The following ZMIZ1 variants were observed in gnomAD, a reference collection of about 807,000 sequenced individuals.
The protein encoded by ZMIZ1 is zinc finger MIZ-type containing 1, also known as zinc finger MIZ domain-containing protein 1.
In ZMIZ1, 17 loss-of-function variants were observed where a neutral mutation model predicts 113.9. That is an observed-to-expected ratio of 0.15 (90% CI 0.10 to 0.22). ZMIZ1 has a LOEUF of 0.22. ZMIZ1 is among the 10% of genes least tolerant of loss of function. ZMIZ1 has a pLI of 1.00. For missense variants in ZMIZ1, 1,059 were observed against 1,477.8 expected (o/e 0.72, Z 4.65); for synonymous variants, 607 against 603.1 (o/e 1.01, Z -0.09).
At chr10:79,152,337 A>G (rs1845745915) in intron 3 of ZMIZ1, among the ~76,000 whole-genome samples, 1 of 152,278 alleles carries the variant, frequency 6.6e-6, no homozygotes, top group Admixed American at 6.5e-5. Flanking sequence ...TGTCTCTACA[A>G]AAAATATAAA....
chr10:79,221,943 A>G (rs1042395222), intron 7 of ZMIZ1, among the ~76,000 whole-genome samples: 1 of 152,200 alleles, frequency 6.6e-6, no homozygotes, highest in Non-Finnish European at 1.5e-5. Context: ...CCCTCATGCT[A>G]TTGGCAAAGT....
intron 1 of ZMIZ1, among the ~76,000 whole-genome samples, chr10:79,089,048 C>T (rs61851353): frequency 3.9e-5 from 6 of 152,208 alleles, no homozygotes; most frequent in Admixed American, 1.3e-4. Context: ...TTTTCTGGTC[C>T]GTGGCTGTTT....
intron 4 of ZMIZ1, among the ~76,000 whole-genome samples, chr10:79,187,111 A>G (rs1564706504): frequency 6.6e-6 from 1 of 152,334 alleles, no homozygotes; most frequent in Admixed American, 6.5e-5. Flanking sequence ...CAGTGATGTC[A>G]TCTTACTCTT....
intron 5 of ZMIZ1, among the ~76,000 whole-genome samples, chr10:79,204,798 G>A (rs1455903124): frequency 1.3e-5 from 2 of 152,194 alleles, no homozygotes; most frequent in East Asian, 3.8e-4. Flanking sequence ...GTGTATAGAT[G>A]ATGAATGGAT....
chr10:79,313,690 T>C lies in ZMIZ1; in HGVS notation c.*941T>C. 1 of 287,422 alleles carries C rather than the reference T, an allele frequency of 3.5e-6. No individual in the cohort carries two copies. The highest frequency in any genetic ancestry group is 6.9e-6 in the Non-Finnish European group (1 of 145,420). 17.8% of individuals were successfully genotyped at this position (287,422 alleles called of 1,614,324 possible). A position where few individuals can be genotyped will look rare whatever the true frequency, so the allele number is the denominator to read the frequency against. On this transcript the variant is annotated 3_prime_UTR_variant, in exon 25 of 25. Coordinates refer to ENST00000334512, the MANE Select transcript of ZMIZ1 (RefSeq NM_020338.4). ...TTTTTAAACAGCAACAATTTAAAGCTATGAAGTCACCTGGAGAAAAGGAAC... is the reference window on the plus strand; with the variant it reads ...TTTTTAAACAGCAACAATTTAAAGCCATGAAGTCACCTGGAGAAAAGGAAC...
Position 79,298,544 on chromosome 10 carries a change from A to G in ZMIZ1, c.1630A>G (p.Ile544Val), listed in dbSNP as rs1198193279. The change falls in exon 15 of 25, where the codon ATC (isoleucine) becomes GTC (valine). Residue 544 changes from isoleucine (I) to valine (V), a missense_variant. Ile to Val is a conservative substitution (Grantham distance 29, BLOSUM62 3). Around this residue, in one of 6 missense-constraint regions of ZMIZ1, gnomAD observed 239 missense variants for 247.5 expected, o/e 0.97. Transcript: ENST00000334512. Reference sequence around the variant, plus strand: ...CGTCAAACCACCCTTCCCGCCTGACATCAAGCCAAATATGAGCGCTCTGCC... The same window carrying G: ...CGTCAAACCACCCTTCCCGCCTGACGTCAAGCCAAATATGAGCGCTCTGCC... ...QDVKPPFPPD[I>V]KPNMSALPPP... 2 of 1,601,110 alleles carry G rather than the reference A, an allele frequency of 1.2e-6. No homozygotes were observed. The highest frequency in any genetic ancestry group is 2.2e-5 in the South Asian group (2 of 90,098).
intron 3 of ZMIZ1, among the ~76,000 whole-genome samples, chr10:79,155,774 A>G (rs994500055): frequency 2.6e-5 from 4 of 152,228 alleles, no homozygotes; most frequent in Non-Finnish European, 4.4e-5. Flanking sequence ...CTGCTCACTG[A>G]TGCCCTCTGC....
At chr10:79,241,818 A>C (rs1478978417) in intron 7 of ZMIZ1, among the ~76,000 whole-genome samples, 1 of 152,142 alleles carries the variant, frequency 6.6e-6, no homozygotes, top group Non-Finnish European at 1.5e-5. Context: ...AGAAGAGGGG[A>C]TGGAGTCAGG....
chr10:79,146,954 G>A (rs1381740079), intron 3 of ZMIZ1, among the ~76,000 whole-genome samples: 3 of 130,164 alleles, frequency 2.3e-5, no homozygotes, highest in Non-Finnish European at 5.2e-5. Flanking sequence ...ACGTGTGTGT[G>A]TGTGTGTGTG....
At chr10:79,249,877 C>G (rs908740221) in intron 7 of ZMIZ1, among the ~76,000 whole-genome samples, 3 of 152,136 alleles carry the variant, frequency 2.0e-5, no homozygotes, top group African/African-American at 7.2e-5. Context: ...TGGGGCCACC[C>G]GGTGTCCTTC....
chr10:79,305,717 G>A lies in ZMIZ1; in HGVS notation c.2423+116G>A. On this transcript the variant is annotated intron_variant, in intron 21 of 24. Transcript: ENST00000334512. ...CTCCCCTCCCAGGCCAGCAGACCGT[G>A]ACCCACATCCCCCACCTCTCTGTCC... The A allele has an allele frequency of 3.4e-5, 36 of 1,057,366 alleles. 3 individuals are homozygous for A. The South Asian group carries it at 4.4e-4, about 13-fold the overall frequency. The allele number at this position is 1,057,366 out of a possible 1,614,324, so 65.5% of individuals were successfully genotyped here.
intron 3 of ZMIZ1, among the ~76,000 whole-genome samples, chr10:79,155,267 A>G (rs902754516): frequency 4.8e-4 from 73 of 152,300 alleles, no homozygotes; most frequent in Non-Finnish European, 1.0e-3. Flanking sequence ...TCAGAGTTCA[A>G]GGCCTCTTTG....
intron 1 of ZMIZ1, among the ~76,000 whole-genome samples, chr10:79,112,664 A>G (rs1843796121): frequency 1.3e-5 from 2 of 152,120 alleles, no homozygotes; most frequent in Admixed American, 6.5e-5. Flanking sequence ...CAGTCTCCCA[A>G]TCCTGGCTGA....
intron 7 of ZMIZ1, among the ~76,000 whole-genome samples, chr10:79,240,624 T>C (rs564883898): frequency 8.8e-5 from 13 of 146,904 alleles, no homozygotes; most frequent in African/African-American, 3.0e-4. Context: ...GTAAATCTAG[T>C]GAAGAGTATT....
In ZMIZ1 at chr10:79,113,314, C is replaced by T. The variant is rs572647944; in HGVS notation, c.-336-5601C>T. Among the ~76,000 whole-genome samples the T allele has an allele frequency of 3.4e-3, 515 of 152,338 alleles. 4 individuals are homozygous for T. Among genetic ancestry groups the T allele is most frequent in the Non-Finnish European group, 6.3e-3 (430 of 68,024 alleles). On this transcript the variant is annotated intron_variant, in intron 1 of 24. Transcript: ENST00000334512. The stretch of plus-strand genomic sequence containing the variant: ...CCGAGAGACCGGCAGCATCCTGGGC[C>T]TGCAGCCTCCATGGTCTGCGTCATA...
At chr10:79,184,806 G>T (rs1847282161) in intron 4 of ZMIZ1, among the ~76,000 whole-genome samples, 1 of 152,210 alleles carries the variant, frequency 6.6e-6, no homozygotes, top group Admixed American at 6.5e-5. Flanking sequence ...GGGCCAAAGT[G>T]TGCTCTGCAT....
intron 2 of ZMIZ1, among the ~76,000 whole-genome samples, chr10:79,119,447 T>C (rs774318544): frequency 6.6e-6 from 1 of 152,212 alleles, no homozygotes; most frequent in Non-Finnish European, 1.5e-5. Flanking sequence ...TATGAGAGCA[T>C]TGCTGTAATC....
At chr10:79,095,055 C>T (rs1843126111) in intron 1 of ZMIZ1, among the ~76,000 whole-genome samples, 1 of 152,198 alleles carries the variant, frequency 6.6e-6, no homozygotes, top group African/African-American at 2.4e-5. Context: ...TGTCCCTGCC[C>T]AGCTGGCTAC....
At chr10:79,087,835 C>G (rs36118922) in intron 1 of ZMIZ1, among the ~76,000 whole-genome samples, 1 of 152,208 alleles carries the variant, frequency 6.6e-6, no homozygotes, top group Non-Finnish European at 1.5e-5. Context: ...CATGCACCAG[C>G]TAGGTCAAGC....
Sources: allele counts gnomAD v4.1 joint callset (sites outside exome capture counted in the v4.1 genomes callset), GRCh38; gene constraint gnomAD v4.1.1; regional missense constraint gnomAD v4.1.1; transcripts MANE v1.5; gene names NCBI Gene and HGNC (gene_info 2026-07-23, HGNC 2026-07-21).